The following ATG2B variants were observed in gnomAD, a reference collection of about 807,000 sequenced individuals.
ATG2B encodes the protein autophagy related 2B, also known as autophagy-related protein 2 homolog B.
Under a neutral mutation model 241.3 loss-of-function variants are expected in ATG2B, and 121 were observed. That is an observed-to-expected ratio of 0.50 (90% confidence interval 0.43 to 0.58). The LOEUF (loss-of-function observed/expected upper bound fraction) is 0.58. Ranked by LOEUF, ATG2B falls within the 20% of genes least tolerant of loss-of-function variation. The pLI, the probability that ATG2B is intolerant of heterozygous loss-of-function variation, is 0.00. For missense variants in ATG2B, 2,306 were observed against 2,491.6 expected, an observed-to-expected ratio of 0.93 and a Z score of 1.59; for synonymous variants, 858 against 876.6, an observed-to-expected ratio of 0.98 and a Z score of 0.37.
At position 96,322,209 on chromosome 14, in the gene ATG2B, T is replaced by C; in HGVS notation, c.2782A>G (p.Lys928Glu). The change falls in exon 18 of 42, where the codon AAA (lysine) becomes GAA (glutamate). Residue 928 changes from lysine to glutamate, a missense_variant. Physicochemically the swap from Lys to Glu is moderately conservative, Grantham distance 56. Coordinates refer to ENST00000359933, the MANE Select transcript of ATG2B (RefSeq NM_018036.7). ...DPVEMTEFQD[K>E]AISNSHYVLE... ...ACATAGTGAGAATTGCTGATTGCTT[T>C]ATCCTGAAATTCTGTCATTTCTACA... The C allele has an allele frequency of 6.3e-7, 1 of 1,598,768 alleles. No individual in the cohort carries two copies. Among genetic ancestry groups the C allele is most frequent in the Non-Finnish European group, 8.5e-7 (1 of 1,175,606 alleles).
intron 5 of ATG2B, 30 bp downstream of exon 5, chr14:96,343,089 T>C: frequency 6.7e-7 from 1 of 1,481,608 alleles, no homozygotes; most frequent in African/African-American, 1.4e-5. Flanking sequence ...AATCTATGAT[T>C]ATGGTTTTAG....
Position 96,326,301 on chromosome 14 carries a change from T to C in ATG2B, c.2164-379A>G, listed in dbSNP as rs531307149. Among the ~76,000 whole-genome samples, 12 of 152,342 alleles carry C rather than the reference T, an allele frequency of 7.9e-5. No homozygotes were observed. In the East Asian group the frequency reaches 2.3e-3, roughly 29 times the overall value. On this transcript the variant is annotated intron_variant, in intron 14 of 41. Transcript: ENST00000359933. The stretch of plus-strand genomic sequence containing the variant: ...ATCACTGTAGTGTCCAACATTCAGT[T>C]TGAAAGACTTTTCTACCAATATATG...
chr14:96,308,274 A>T lies in ATG2B; in HGVS notation c.4303+1179T>A, dbSNP rs1424615655. 3.1e-3 allele frequency among the ~76,000 whole-genome samples: 79 copies of T among 25,864 alleles called. 8 individuals are homozygous for T. Among genetic ancestry groups the T allele is most frequent in the African/African-American group, 0.013 (67 of 5,076 alleles). 17.0% of individuals were successfully genotyped at this position (25,864 alleles called of 152,430 possible). On this transcript the variant is annotated intron_variant, in intron 29 of 41. Coordinates refer to ENST00000359933, the MANE Select transcript of ATG2B (RefSeq NM_018036.7). ...TATACACACATATATATATATATAT[A>T]TATATATATTTTTTTTTTTTTTTTT... is the stretch of plus-strand genomic sequence containing the variant.
chr14:96,327,905 C>T (rs537334200), intron 14 of ATG2B, among the ~76,000 whole-genome samples: 1 of 152,334 alleles, frequency 6.6e-6, no homozygotes, highest in Non-Finnish European at 1.5e-5. Flanking sequence ...GCAACCTCCG[C>T]CTCCTGGGTT....
rs766706328 is a variant in ATG2B at position 96,311,641 on chromosome 14, A to G, written c.3914-23T>C. On this transcript the variant is annotated intron_variant, in intron 26 of 41. Coordinates refer to ENST00000359933, the MANE Select transcript of ATG2B (RefSeq NM_018036.7). ...AATCTAAAATTTTTAAAATTAAGAAAATCTCTTCAGTACAGCTTTCAAAAA... is the reference window on the plus strand; with the variant it reads ...AATCTAAAATTTTTAAAATTAAGAAGATCTCTTCAGTACAGCTTTCAAAAA... 3.3e-6 allele frequency: 5 copies of G among 1,523,356 alleles called. No individual in the cohort carries two copies. The South Asian group carries it at 4.6e-5, about 14-fold the overall frequency. The allele number at this position is 1,523,356 out of a possible 1,614,324, so 94.4% of individuals were successfully genotyped here. A position where few individuals can be genotyped will look rare whatever the true frequency, so the allele number is the denominator to read the frequency against.
Position 96,316,593 on chromosome 14 carries a change from C to T in ATG2B, c.3301G>A (p.Gly1101Ser), listed in dbSNP as rs745568713. Reference sequence around the variant, plus strand: ...CAAATGTAGTGCTTGTCATCAAAACCTTCATATTTTGTCACACAAAATAAT... The same window carrying T: ...CAAATGTAGTGCTTGTCATCAAAACTTTCATATTTTGTCACACAAAATAAT... ...GSLFCVTKYEGFDDKHYICLH... is the reference protein window; with the variant it reads ...GSLFCVTKYESFDDKHYICLH... Residue 1101 changes from glycine (G) to serine (S), a missense_variant, in exon 21 of 42, where the codon GGT becomes AGT. Physicochemically the swap from Gly to Ser is moderately conservative, Grantham distance 56 (BLOSUM62 0). Coordinates refer to ENST00000359933, the MANE Select transcript of ATG2B (RefSeq NM_018036.7). The T allele has an allele frequency of 6.2e-7, 1 of 1,613,624 alleles. No homozygotes were observed. Among genetic ancestry groups the T allele is most frequent in the Admixed American group, 1.7e-5 (1 of 59,968 alleles).
At chr14:96,346,260 C>T (rs1888166992) in intron 2 of ATG2B, among the ~76,000 whole-genome samples, 2 of 152,016 alleles carry the variant, frequency 1.3e-5, no homozygotes, top group Non-Finnish European at 2.9e-5. Flanking sequence ...GAAAATTCTC[C>T]CCACACCTCC....
intron 41 of ATG2B, among the ~76,000 whole-genome samples, chr14:96,288,151 T>TTA (rs1595289637): frequency 6.6e-6 from 1 of 152,048 alleles, no homozygotes; most frequent in East Asian, 1.9e-4. Flanking sequence ...GAACTAAACT[T>TTA]TAAACCCAAA....
Position 96,347,263 on chromosome 14 carries a change from C to G in ATG2B, c.241G>C (p.Val81Leu). ...TCCTGCAGTAAAGAGCCCCATGGAA[C>G]TGACAGGGAAATTGACTGAATGAAT... is the stretch of plus-strand genomic sequence containing the variant. The part of the protein sequence containing the change: ...EGFIQSISLS[V>L]PWGSLLQDNC... The change falls in exon 2 of 42, where the codon GTT becomes CTT. Residue 81 changes from valine to leucine, a missense_variant. Val to Leu is a conservative substitution (Grantham distance 32, BLOSUM62 1). Coordinates refer to ENST00000359933, the MANE Select transcript of ATG2B (RefSeq NM_018036.7). The G allele has an allele frequency of 6.2e-7, 1 of 1,611,976 alleles. No homozygotes were observed. The highest frequency in any genetic ancestry group is 8.5e-7 in the Non-Finnish European group (1 of 1,178,348).
rs778381896 is a variant in ATG2B at position 96,304,449 on chromosome 14, G to A, written c.4842+46C>T. 2.0e-5 allele frequency: 29 copies of A among 1,439,642 alleles called. No individual in the cohort carries two copies. The South Asian group carries it at 2.1e-4, about 10-fold the overall frequency. The allele number at this position is 1,439,642 out of a possible 1,614,324, so 89.2% of individuals were successfully genotyped here. On this transcript the variant is annotated intron_variant, in intron 32 of 41. Transcript: ENST00000359933. ...GTGGGGGATAACAAAAGAACCCCCC[G>A]CCAATATCCTACTTAAGTGGATTTT... is the stretch of plus-strand genomic sequence containing the variant.
intron 1 of ATG2B, among the ~76,000 whole-genome samples, chr14:96,361,725 G>T (rs1888634733): frequency 6.6e-6 from 1 of 152,032 alleles, no homozygotes; most frequent in Admixed American, 6.6e-5. Flanking sequence ...CTCTCCAGGG[G>T]TAGGACTCTC....
chr14:96,346,832 A>C (rs1888181259), intron 2 of ATG2B, among the ~76,000 whole-genome samples: 1 of 152,182 alleles, frequency 6.6e-6, no homozygotes, highest in African/African-American at 2.4e-5. Context: ...CTGACACTCA[A>C]TCCTGTGTCC....
intron 18 of ATG2B, among the ~76,000 whole-genome samples, chr14:96,320,055 A>T (rs1170749995): frequency 1.3e-5 from 2 of 152,106 alleles, no homozygotes; most frequent in African/African-American, 2.4e-5. Flanking sequence ...AATCCATTAA[A>T]CCAACTATCC....
At chr14:96,353,403 T>C (rs577385283) in intron 1 of ATG2B, among the ~76,000 whole-genome samples, 2 of 152,130 alleles carry the variant, frequency 1.3e-5, no homozygotes, top group Admixed American at 6.5e-5. Flanking sequence ...GGTGGGCAGA[T>C]TGCCTGAGCT....
At chr14:96,312,290 T>G (rs1366942794) in intron 25 of ATG2B, 131 bp from the exon 26 acceptor site, 2 of 643,046 alleles carry the variant, frequency 3.1e-6, no homozygotes, top group East Asian at 3.2e-5. Context: ...AGTTTCTAAC[T>G]TATAACTGTC....
At chr14:96,303,457 C>G (rs1886851467) in intron 32 of ATG2B, among the ~76,000 whole-genome samples, 1 of 152,096 alleles carries the variant, frequency 6.6e-6, no homozygotes. Context: ...CCCTGCTTGT[C>G]CAAGGTTTTG....
chr14:96,302,103 T>C lies in ATG2B; in HGVS notation c.5043A>G (p.Thr1681=), dbSNP rs1450401430. The change falls in exon 34 of 42, where the codon ACA becomes ACG. Residue 1681 remains threonine, a synonymous_variant. Transcript: ENST00000359933. The part of the protein sequence containing the change: ...MPRKAHSNML[T]VKALHVCPES... ...CTGGACACACGTGTAAGGCTTTCACTGTCAACTACAAGGCAAGAAAGAGAA... is the reference window on the plus strand; with the variant it reads ...CTGGACACACGTGTAAGGCTTTCACCGTCAACTACAAGGCAAGAAAGAGAA... 1.9e-6 allele frequency: 3 copies of C among 1,607,844 alleles called. No individual in the cohort carries two copies.
chr14:96,315,348 C>A (rs1887278530), intron 22 of ATG2B, 36 bp downstream of exon 22: 1 of 1,599,504 alleles, frequency 6.3e-7, no homozygotes, highest in Admixed American at 1.7e-5. Flanking sequence ...TAGCTAGAAT[C>A]AAATCAACAG....
At chr14:96,347,411 G>C (rs186778711) in intron 1 of ATG2B, 70 bp from the exon 2 acceptor site, 6 of 1,283,640 alleles carry the variant, frequency 4.7e-6, no homozygotes, top group Non-Finnish European at 6.4e-6. Flanking sequence ...TTATTCAAAG[G>C]TGTCAAATAT....
Sources: allele counts gnomAD v4.1 joint callset (sites outside exome capture counted in the v4.1 genomes callset), GRCh38; gene constraint gnomAD v4.1.1; transcripts MANE v1.5; gene names NCBI Gene and HGNC (gene_info 2026-07-23, HGNC 2026-07-21).